STK39: variants seen among roughly 807,000 people sequenced by gnomAD.
STK39 encodes serine/threonine kinase 39, also known as STE20/SPS1-related proline-alanine-rich protein kinase.
In STK39, 20 loss-of-function variants were observed where a neutral mutation model predicts 77.8. The observed-to-expected ratio is 0.26, with a 90% CI of 0.18 to 0.37. STK39 has a LOEUF of 0.37. Ranked by LOEUF, STK39 falls within the 10% of genes least tolerant of loss-of-function variation. The pLI is 1.00. For synonymous variants in STK39, 246 were observed against 234.1 expected (o/e 1.05, Z -0.47); for missense variants, 479 against 656.5 (o/e 0.73, Z 2.95).
intron 16 of STK39, among the ~76,000 whole-genome samples, chr2:167,999,591 A>G (rs930599593): frequency 1.3e-5 from 2 of 152,002 alleles, no homozygotes; most frequent in African/African-American, 4.8e-5. Context: ...CCTCCCGAGT[A>G]GCTGGAACTA....
chr2:168,001,824 A>G (rs1334086830), intron 16 of STK39, among the ~76,000 whole-genome samples: 1 of 152,224 alleles, frequency 6.6e-6, no homozygotes, highest in Non-Finnish European at 1.5e-5. Flanking sequence ...TGTTCAACAA[A>G]AGAGCCATTT....
chr2:168,131,583 G>A (rs986128098), intron 8 of STK39, among the ~76,000 whole-genome samples: 1 of 152,176 alleles, frequency 6.6e-6, no homozygotes, highest in Non-Finnish European at 1.5e-5. Context: ...TCTGTGCAAA[G>A]AAATTTTCTG....
intron 1 of STK39, among the ~76,000 whole-genome samples, chr2:168,185,692 T>C (rs1258321799): frequency 6.6e-6 from 1 of 152,240 alleles, no homozygotes; most frequent in African/African-American, 2.4e-5. Flanking sequence ...TTTGCAAAAA[T>C]CACTACTATT....
chr2:168,049,969 T>C (rs967883109), intron 14 of STK39, among the ~76,000 whole-genome samples: 2 of 152,238 alleles, frequency 1.3e-5, no homozygotes, highest in Non-Finnish European at 1.5e-5. Context: ...ACTTGAAAGA[T>C]TTCATAGGAA....
rs542073949 is a variant in STK39 at position 168,083,228 on chromosome 2, C to CTTT, written c.1090-8000_1090-7998dup. On this transcript the variant is annotated intron_variant, in intron 10 of 17. Transcript: ENST00000355999. ...GCCTGATCTGCCCTTCCACATTCTC[C>CTTT]TTTTTTTTTTTTTTTTTAAGCTAAG... is the stretch of plus-strand genomic sequence containing the variant. Among the ~76,000 whole-genome samples the CTTT allele has an allele frequency of 1.8e-3, 246 of 138,490 alleles. 3 individuals are homozygous for CTTT. The highest frequency in any genetic ancestry group is 6.2e-3 in the African/African-American group (233 of 37,874). 90.9% of individuals were successfully genotyped at this position (138,490 alleles called of 152,430 possible).
intron 10 of STK39, among the ~76,000 whole-genome samples, chr2:168,092,170 C>A (rs1032508656): frequency 1.3e-5 from 2 of 152,176 alleles, no homozygotes; most frequent in Non-Finnish European, 2.9e-5. Context: ...AGAGTAGGAA[C>A]GTCAGTGTTT....
chr2:168,051,509 C>T (rs374534289), intron 14 of STK39, among the ~76,000 whole-genome samples: 2 of 152,118 alleles, frequency 1.3e-5, no homozygotes, highest in African/African-American at 2.4e-5. Context: ...ACAGAAGACA[C>T]GAGAGTCCCC....
intron 14 of STK39, among the ~76,000 whole-genome samples, chr2:168,030,453 A>C (rs1684808556): frequency 6.6e-6 from 1 of 152,206 alleles, no homozygotes. Context: ...TAATTTTCCT[A>C]TTCCTGTAAT....
rs116939906 is a variant in STK39 at position 168,038,612 on chromosome 2, T to C, written c.1377-21517A>G. 4.5e-3 allele frequency among the ~76,000 whole-genome samples: 681 copies of C among 152,218 alleles called. 16 individuals are homozygous for C. Among genetic ancestry groups the C allele is most frequent in the Admixed American group, 0.036 (544 of 15,290 alleles). ...TTTAAAACTTTTGTTCTTTAAAAGATACCATTAAGAAACCAAAATGCAAGC... is the reference window on the plus strand; with the variant it reads ...TTTAAAACTTTTGTTCTTTAAAAGACACCATTAAGAAACCAAAATGCAAGC... On this transcript the variant is annotated intron_variant, in intron 14 of 17. Coordinates refer to ENST00000355999, the MANE Select transcript of STK39 (RefSeq NM_013233.3).
intron 14 of STK39, among the ~76,000 whole-genome samples, chr2:168,040,807 C>T (rs1685084397): frequency 6.6e-6 from 1 of 152,272 alleles, no homozygotes; most frequent in South Asian, 2.1e-4. Context: ...ATATGTTTAT[C>T]TTCTCTCCAA....
intron 14 of STK39, among the ~76,000 whole-genome samples, chr2:168,029,476 A>G (rs984378492): frequency 6.6e-6 from 1 of 152,216 alleles, no homozygotes; most frequent in Admixed American, 6.5e-5. Context: ...GCAAACGATG[A>G]AAGTTTTTTT....
chr2:168,110,136 T>C (rs917389010), intron 10 of STK39, among the ~76,000 whole-genome samples: 3 of 152,390 alleles, frequency 2.0e-5, no homozygotes, highest in South Asian at 2.1e-4. Flanking sequence ...TTTCTTTATC[T>C]AAACGATTTA....
chr2:168,218,047 T>C (rs972215723), intron 1 of STK39, among the ~76,000 whole-genome samples: 1 of 152,240 alleles, frequency 6.6e-6, no homozygotes, highest in South Asian at 2.1e-4. Flanking sequence ...TAGGATCATA[T>C]AAACATCTTT....
chr2:168,138,074 T>G lies in STK39; in HGVS notation c.974+14A>C. The G allele has an allele frequency of 6.2e-7, 1 of 1,612,470 alleles. No homozygotes were observed. The highest frequency in any genetic ancestry group is 8.5e-7 in the Non-Finnish European group (1 of 1,178,948). On this transcript the variant is annotated intron_variant, in intron 8 of 17. Coordinates refer to ENST00000355999, the MANE Select transcript of STK39 (RefSeq NM_013233.3). ...CAAACCAGGTCATTAACTCATCCAC[T>G]AAGTTTCACTTACCTTTTGGAAGGA...
chr2:168,067,552 C>CTT (rs577245702), intron 12 of STK39, among the ~76,000 whole-genome samples: 1 of 151,188 alleles, frequency 6.6e-6, no homozygotes, highest in Admixed American at 6.6e-5. Context: ...AATTATATCT[C>CTT]TTTTTTTTTT....
At position 168,164,624 on chromosome 2, in the gene STK39, CTTGA is replaced by C. The variant is rs1302293737; in HGVS notation, c.431-748_431-745del. 5.0e-4 allele frequency among the ~76,000 whole-genome samples: 75 copies of C among 151,486 alleles called. 1 individual carries two copies. In the South Asian group the frequency reaches 6.0e-3, roughly 12 times the overall value. ...GTCTTACCACGTTGCCCATGCCGGT[CTTGA>C]ACTTCTGGGCTTAAGTGATCTGCCC... On this transcript the variant is annotated intron_variant, in intron 3 of 17. Coordinates refer to ENST00000355999, the MANE Select transcript of STK39 (RefSeq NM_013233.3).
intron 14 of STK39, among the ~76,000 whole-genome samples, chr2:168,061,327 T>C: frequency 6.6e-6 from 1 of 151,678 alleles, no homozygotes; most frequent in South Asian, 2.1e-4. Flanking sequence ...ATATGGGCAC[T>C]ACATACAAAA....
At chr2:168,110,293 T>C (rs1161629545) in intron 10 of STK39, among the ~76,000 whole-genome samples, 1 of 152,168 alleles carries the variant, frequency 6.6e-6, no homozygotes, top group Non-Finnish European at 1.5e-5. Flanking sequence ...AGTGTAGTGG[T>C]ACAATCAGAT....
chr2:168,118,483 T>TA (rs772324543), intron 10 of STK39, among the ~76,000 whole-genome samples: 3 of 150,556 alleles, frequency 2.0e-5, no homozygotes, highest in Non-Finnish European at 4.4e-5. Context: ...AAGATCAATC[T>TA]AAAAATAAAG....
Sources: allele counts gnomAD v4.1 joint callset (sites outside exome capture counted in the v4.1 genomes callset), GRCh38; gene constraint gnomAD v4.1.1; transcripts MANE v1.5; gene names NCBI Gene and HGNC (gene_info 2026-07-23, HGNC 2026-07-21).